AKAP13: variants seen among roughly 807,000 people sequenced by gnomAD.
AKAP13 encodes the protein A-kinase anchor protein 13.
In AKAP13, 80 loss-of-function variants were observed where a neutral mutation model predicts 264.5. The observed-to-expected ratio is 0.30, with a 90% CI of 0.25 to 0.36. The LOEUF (loss-of-function observed/expected upper bound fraction) is 0.36. Among genes scored for constraint, AKAP13 ranks in the 10% least tolerant of loss-of-function variants. AKAP13 has a pLI of 1.00. For missense variants in AKAP13, 3,712 were observed against 3,435.2 expected, an observed-to-expected ratio of 1.08 and a Z score of -2.01; for synonymous variants, 1,380 against 1,250.2, an observed-to-expected ratio of 1.10 and a Z score of -2.19.
At chr15:85,517,366 C>T (rs979157341) in intron 2 of AKAP13, among the ~76,000 whole-genome samples, 2 of 151,842 alleles carry the variant, frequency 1.3e-5, no homozygotes, top group East Asian at 1.9e-4. Flanking sequence ...TTTTTCCCCC[C>T]ATCAAGTTAC....
rs151229540 is a variant in AKAP13 at position 85,580,019 on chromosome 15, C to T, written c.1951C>T (p.Pro651Ser). ...HAQSQKGKSS[P>S]ICSTTGDDKL... is the part of the protein sequence containing the mutation. ...TCAAAGCCAAAAGGGCAAATCCTCA[C>T]CCATTTGTTCTACAACTGGAGACGA... Residue 651 changes from proline to serine, a missense_variant, in exon 7 of 37, where the codon CCC becomes TCC. Transcript: ENST00000394518. The T allele has an allele frequency of 5.3e-4, 853 of 1,614,170 alleles. 1 individual carries two copies. The highest frequency in any genetic ancestry group is 7.1e-4 in the Non-Finnish European group (833 of 1,180,018).
Position 85,579,313 on chromosome 15 carries a change from T to C in AKAP13, c.1245T>C (p.Leu415=). ...GTGGAGTAAAGGGCACGGAAGGCCT[T>C]TCGTCCTGTGGAAACAGAAATGAAG... ...PDCGVKGTEG[L]SSCGNRNEET... Residue 415 remains leucine (L), a synonymous_variant, in exon 7 of 37, where the codon CTT becomes CTC. Coordinates refer to ENST00000394518, the MANE Select transcript of AKAP13 (RefSeq NM_007200.5). The C allele has an allele frequency of 6.2e-7, 1 of 1,614,240 alleles. No individual in the cohort carries two copies. Among genetic ancestry groups the C allele is most frequent in the Non-Finnish European group, 8.5e-7 (1 of 1,180,042 alleles).
At chr15:85,656,451 C>CT (rs950140070) in intron 11 of AKAP13, among the ~76,000 whole-genome samples, 18 of 149,354 alleles carry the variant, frequency 1.2e-4, no homozygotes, top group East Asian at 2.0e-4. Context: ...AATTTGACTT[C>CT]TTTTTTTTTT....
At chr15:85,607,686 CA>C (rs1166728362) in intron 8 of AKAP13, among the ~76,000 whole-genome samples, 1 of 115,684 alleles carries the variant, frequency 8.6e-6, no homozygotes, top group African/African-American at 3.1e-5. Flanking sequence ...AGTAAAGGAG[CA>C]TTCTCCACTC....
chr15:85,601,608 TTGTGTG>T lies in AKAP13; in HGVS notation c.4161+15821_4161+15826del, dbSNP rs10574160. Among the ~76,000 whole-genome samples, 119 of 132,082 alleles carry T rather than the reference TTGTGTG, an allele frequency of 9.0e-4. 2 individuals are homozygous for T. The highest frequency in any genetic ancestry group is 2.8e-3 in the South Asian group (11 of 3,972). The allele number at this position is 132,082 out of a possible 152,430, so 86.7% of individuals were successfully genotyped here. ...TCTCATCTTCTCTCACCTGAATTCT[TTGTGTG>T]TGTGTGTGTGTGTGTGTGTGTGTGT... On this transcript the variant is annotated intron_variant, in intron 8 of 36. Transcript: ENST00000394518.
chr15:85,649,287 A>C (rs2082696157), intron 10 of AKAP13, among the ~76,000 whole-genome samples: 1 of 152,090 alleles, frequency 6.6e-6, no homozygotes, highest in South Asian at 2.1e-4. Flanking sequence ...TCTAGGCCTG[A>C]CTCTAAAATC....
intron 11 of AKAP13, among the ~76,000 whole-genome samples, chr15:85,657,003 G>A (rs1272005935): frequency 2.0e-5 from 3 of 151,976 alleles, no homozygotes; most frequent in African/African-American, 4.8e-5. Flanking sequence ...GAAAACAGCC[G>A]CGCATGGTAG....
intron 14 of AKAP13, among the ~76,000 whole-genome samples, chr15:85,674,239 C>G (rs555269260): frequency 2.0e-5 from 3 of 152,228 alleles, no homozygotes; most frequent in Admixed American, 6.5e-5. Context: ...TGAAATTTCT[C>G]AAAATCTGAA....
chr15:85,601,816 A>G (rs901915266), intron 8 of AKAP13, among the ~76,000 whole-genome samples: 1 of 151,978 alleles, frequency 6.6e-6, no homozygotes, highest in Non-Finnish European at 1.5e-5. Flanking sequence ...GAGAAATTTA[A>G]AAAATGTTTA....
chr15:85,492,676 T>G (rs957047607), intron 2 of AKAP13, among the ~76,000 whole-genome samples: 1 of 152,214 alleles, frequency 6.6e-6, no homozygotes, highest in South Asian at 2.1e-4. Context: ...TATATTCACA[T>G]TTCTCTAATT....
chr15:85,521,533 A>C lies in AKAP13; in HGVS notation c.139A>C (p.Thr47Pro), dbSNP rs1330396285. ...TTCCACCCTCCGTCACTGTACAAGTACTCGGAAGGTCAGTTCTGATACATT... is the reference window on the plus strand; with the variant it reads ...TTCCACCCTCCGTCACTGTACAAGTCCTCGGAAGGTCAGTTCTGATACATT... ...LGSTLRHCTS[T>P]RKVSSDTLET... The change falls in exon 3 of 37, where the codon ACT becomes CCT. Residue 47 changes from threonine (T) to proline (P), a missense_variant. Physicochemically the swap from Thr to Pro is conservative, Grantham distance 38. This residue lies in a region of AKAP13 where 2,759 missense variants were observed against 2,411.7 expected (regional missense o/e 1.14). Coordinates refer to ENST00000394518, the MANE Select transcript of AKAP13 (RefSeq NM_007200.5). 6.2e-7 allele frequency: 1 copy of C among 1,614,066 alleles called. No individual in the cohort carries two copies. Among genetic ancestry groups the C allele is most frequent in the Non-Finnish European group, 8.5e-7 (1 of 1,180,038 alleles).
intron 12 of AKAP13, among the ~76,000 whole-genome samples, chr15:85,662,634 C>T (rs2083410276): frequency 1.3e-5 from 2 of 152,160 alleles, no homozygotes; most frequent in African/African-American, 4.8e-5. Context: ...AGGGATGCAG[C>T]CTAAGAGTCG....
chr15:85,474,611 A>G (rs139580023), intron 1 of AKAP13, among the ~76,000 whole-genome samples: 2 of 152,324 alleles, frequency 1.3e-5, no homozygotes, highest in African/African-American at 4.8e-5. Context: ...GACTGCTTAG[A>G]ATATTGAAGT....
chr15:85,700,071 T>C (rs2085821492), intron 17 of AKAP13, among the ~76,000 whole-genome samples: 1 of 152,228 alleles, frequency 6.6e-6, no homozygotes, highest in Non-Finnish European at 1.5e-5. Flanking sequence ...TATATGCCAG[T>C]GTATATTTAG....
intron 29 of AKAP13, among the ~76,000 whole-genome samples, chr15:85,730,300 T>G (rs2151750036): frequency 6.6e-6 from 1 of 152,250 alleles, no homozygotes. Flanking sequence ...ATTTCCATGG[T>G]TTGCCAGAAA....
At chr15:85,657,137 C>T (rs2083134963) in intron 11 of AKAP13, among the ~76,000 whole-genome samples, 1 of 138,396 alleles carries the variant, frequency 7.2e-6, no homozygotes, top group African/African-American at 2.9e-5. Context: ...CAGTGAGACC[C>T]TGTCTCAAAA....
intron 1 of AKAP13, among the ~76,000 whole-genome samples, chr15:85,420,053 T>G (rs1049749734): frequency 1.4e-5 from 2 of 145,646 alleles, no homozygotes; most frequent in South Asian, 2.2e-4. Context: ...ACCATTCTCC[T>G]GCCTCAGCCT....
chr15:85,644,010 G>A (rs2082429224), intron 9 of AKAP13, among the ~76,000 whole-genome samples: 1 of 152,098 alleles, frequency 6.6e-6, no homozygotes, highest in South Asian at 2.1e-4. Flanking sequence ...AAAACTATTA[G>A]TGTTTCTTTG....
intron 8 of AKAP13, chr15:85,619,763 G>A (rs1160949737): frequency 1.8e-5 from 19 of 1,047,446 alleles, no homozygotes; most frequent in Non-Finnish European, 2.2e-5. Flanking sequence ...TGATGGAAAC[G>A]GTGTTTGCTT....
Sources: gnomAD v4.1 joint callset for allele counts (sites outside exome capture counted in the v4.1 genomes callset) on GRCh38, gnomAD v4.1.1 for gene constraint, gnomAD v4.1.1 regional missense constraint, MANE v1.5 for transcripts, NCBI Gene and HGNC (gene_info 2026-07-23, HGNC 2026-07-21) for gene names.